Variants in DESI2 observed in about 807,000 individuals in gnomAD.
DESI2 encodes the protein deubiquitinase DESI2.
Under a neutral mutation model 24.1 loss-of-function variants are expected in DESI2, and 10 were observed. That is an observed-to-expected ratio of 0.41 (90% CI 0.26 to 0.70). The LOEUF is 0.70. DESI2 is among the 30% of genes least tolerant of loss of function. The pLI is 0.29. For synonymous variants in DESI2, 71 were observed against 87.7 expected (o/e 0.81, Z 1.06); for missense variants, 122 against 234.9 (o/e 0.52, Z 3.14).
intron 4 of DESI2, chr1:244,694,395 C>T (rs765234263): frequency 2.1e-5 from 14 of 654,974 alleles, no homozygotes; most frequent in South Asian, 8.5e-5. Flanking sequence ...TTTTTTAAAC[C>T]GGAACATCTA....
chr1:244,679,155 A>G (rs1257259798), intron 1 of DESI2, among the ~76,000 whole-genome samples: 2 of 151,944 alleles, frequency 1.3e-5, no homozygotes, highest in Non-Finnish European at 2.9e-5. Flanking sequence ...CAATCCTCCC[A>G]TGTCAGCCTC....
chr1:244,657,702 C>T (rs775081463), intron 1 of DESI2, among the ~76,000 whole-genome samples: 9 of 152,226 alleles, frequency 5.9e-5, no homozygotes, highest in Admixed American at 3.3e-4. Flanking sequence ...ATCCTCAGCA[C>T]GTTGGCTGTT....
chr1:244,705,001 T>C (rs1677637691), intron 4 of DESI2, among the ~76,000 whole-genome samples: 1 of 152,108 alleles, frequency 6.6e-6, no homozygotes, highest in Non-Finnish European at 1.5e-5. Flanking sequence ...CAGGCTGTTT[T>C]TTCTGGACCA....
chr1:244,673,460 T>C (rs1282376833), intron 1 of DESI2, among the ~76,000 whole-genome samples: 10 of 152,260 alleles, frequency 6.6e-5, no homozygotes, highest in Non-Finnish European at 1.3e-4. Context: ...CTTCTGCTCT[T>C]GATATATTCC....
chr1:244,701,378 C>T (rs552817232), intron 4 of DESI2, among the ~76,000 whole-genome samples: 5 of 152,044 alleles, frequency 3.3e-5, no homozygotes, highest in African/African-American at 4.8e-5. Flanking sequence ...CCATGACATA[C>T]GCAAGAGATC....
rs79720093 is a variant in DESI2 at position 244,706,003 on chromosome 1, T to A, written c.*214T>A. On this transcript the variant is annotated 3_prime_UTR_variant, in exon 5 of 5. Transcript: ENST00000302550. ...GTAAGAAGCTGCCCTCTGTTTTTTT[T>A]ATCCACTCGTAAATCTGGATTTATT... The A allele has an allele frequency of 1.1e-5, 6 of 545,080 alleles. No homozygotes were observed. The highest frequency in any genetic ancestry group is 5.7e-5 in the African/African-American group (3 of 53,004). The allele number at this position is 545,080 out of a possible 1,614,324, so 33.8% of individuals were successfully genotyped here.
intron 1 of DESI2, among the ~76,000 whole-genome samples, chr1:244,667,335 G>C (rs1007142292): frequency 6.6e-6 from 1 of 152,094 alleles, no homozygotes; most frequent in African/African-American, 2.4e-5. Context: ...GGGAGAAATT[G>C]GCCAAAACAG....
intron 4 of DESI2, 45 bp from the exon 5 acceptor site, chr1:244,705,511 A>G (rs1182672640): frequency 6.4e-7 from 1 of 1,564,726 alleles, no homozygotes; most frequent in African/African-American, 1.4e-5. Context: ...GGACCAGGTA[A>G]TCTTAACCTC....
At chr1:244,695,351 CTT>C (rs1677174451) in intron 4 of DESI2, among the ~76,000 whole-genome samples, 1 of 152,196 alleles carries the variant, frequency 6.6e-6, no homozygotes, top group African/African-American at 2.4e-5. Flanking sequence ...ATCTAAATGT[CTT>C]TTTAAAATTA....
intron 4 of DESI2, chr1:244,694,327 TATATGGTG>T: frequency 8.1e-6 from 4 of 495,580 alleles, no homozygotes; most frequent in South Asian, 6.6e-5. Context: ...AAAAGAGTAT[TATATGGTG>T]ACATGTATAA....
At chr1:244,679,762 A>AAT (rs1676538878) in intron 1 of DESI2, among the ~76,000 whole-genome samples, 1 of 150,192 alleles carries the variant, frequency 6.7e-6, no homozygotes, top group African/African-American at 2.4e-5. Flanking sequence ...TCCCCCTTGC[A>AAT]TGGCTGAGGC....
chr1:244,660,627 G>C (rs1351897632), intron 1 of DESI2, among the ~76,000 whole-genome samples: 9 of 152,132 alleles, frequency 5.9e-5, no homozygotes, highest in Non-Finnish European at 1.3e-4. Context: ...TAAACTGTAA[G>C]AAAGGCAAAA....
At chr1:244,686,250 C>CTGTGTG (rs767500032) in intron 1 of DESI2, among the ~76,000 whole-genome samples, 6,407 of 150,438 alleles carry the variant, frequency 0.043, 153 homozygotes, top group Admixed American at 0.06. Flanking sequence ...AAAGCACACT[C>CTGTGTG]TGTGTGTGTG....
At chr1:244,683,588 G>A (rs1212634099) in intron 1 of DESI2, among the ~76,000 whole-genome samples, 1 of 152,196 alleles carries the variant, frequency 6.6e-6, no homozygotes, top group South Asian at 2.1e-4. Context: ...TGGGATTACA[G>A]GCGTGAGCCA....
intron 4 of DESI2, among the ~76,000 whole-genome samples, chr1:244,693,888 C>T (rs1214500178): frequency 6.6e-6 from 1 of 152,152 alleles, no homozygotes; most frequent in African/African-American, 2.4e-5. Context: ...AATGGAAATA[C>T]CAGCTCTTGC....
chr1:244,685,578 G>A (rs1409824342), intron 1 of DESI2, among the ~76,000 whole-genome samples: 1 of 151,970 alleles, frequency 6.6e-6, no homozygotes, highest in Non-Finnish European at 1.5e-5. Flanking sequence ...TCGGCCCCAG[G>A]TACATTTTAG....
chr1:244,666,845 G>A (rs1363802120), intron 1 of DESI2, among the ~76,000 whole-genome samples: 1 of 152,110 alleles, frequency 6.6e-6, no homozygotes, highest in East Asian at 1.9e-4. Flanking sequence ...CAGAATCATG[G>A]CGGGTGGCAA....
intron 4 of DESI2, among the ~76,000 whole-genome samples, chr1:244,696,275 A>G (rs1677212002): frequency 6.6e-6 from 1 of 152,242 alleles, no homozygotes; most frequent in Non-Finnish European, 1.5e-5. Context: ...GTTTGAATCC[A>G]AATCTAAACA....
At chr1:244,661,523 C>A (rs1426359725) in intron 1 of DESI2, among the ~76,000 whole-genome samples, 3 of 151,984 alleles carry the variant, frequency 2.0e-5, no homozygotes, top group Non-Finnish European at 4.4e-5. Flanking sequence ...ACTCATCATT[C>A]ACATTAGGTA....
Sources: gnomAD v4.1 joint callset for allele counts (sites outside exome capture counted in the v4.1 genomes callset) on GRCh38, gnomAD v4.1.1 for gene constraint, MANE v1.5 for transcripts, NCBI Gene and HGNC (gene_info 2026-07-23, HGNC 2026-07-21) for gene names.